The following CSMD1 variants were observed in gnomAD, a reference collection of about 807,000 sequenced individuals.
CSMD1 encodes the protein CUB and sushi domain-containing protein 1.
A neutral mutation model predicts 417.5 loss-of-function variants in CSMD1; 213 were observed. The ratio of observed to expected loss-of-function variants is 0.51; its 90% CI spans 0.46 to 0.57. The LOEUF (loss-of-function observed/expected upper bound fraction) is 0.57. CSMD1 is among the 20% of genes least tolerant of loss of function. The pLI is 0.00. For synonymous variants in CSMD1, 2,862 were observed against 1,736.8 expected (o/e 1.65, Z -16.11); for missense variants, 6,923 against 4,529.7 (o/e 1.53, Z -15.17).
At chr8:4,695,534 T>C (rs949257502) in intron 1 of CSMD1, among the ~76,000 whole-genome samples, 1 of 152,130 alleles carries the variant, frequency 6.6e-6, no homozygotes, top group Non-Finnish European at 1.5e-5. Context: ...TTTACAGCAG[T>C]TTTAAGTTCA....
At chr8:3,643,490 C>G (rs1237081268) in intron 7 of CSMD1, among the ~76,000 whole-genome samples, 1 of 151,862 alleles carries the variant, frequency 6.6e-6, no homozygotes, top group Non-Finnish European at 1.5e-5. Flanking sequence ...ATCACAAGGT[C>G]AGGAGATCGA....
At chr8:4,505,145 C>G (rs1166480772) in intron 2 of CSMD1, among the ~76,000 whole-genome samples, 2 of 152,172 alleles carry the variant, frequency 1.3e-5, no homozygotes, top group Non-Finnish European at 2.9e-5. Flanking sequence ...AAACCAAACC[C>G]CACAATGATA....
intron 2 of CSMD1, among the ~76,000 whole-genome samples, chr8:4,488,932 G>C (rs1326682864): frequency 6.6e-6 from 1 of 152,100 alleles, no homozygotes; most frequent in East Asian, 1.9e-4. Flanking sequence ...TTATTTTTGA[G>C]ACTGAGTCTT....
At chr8:4,826,721 T>G (rs548049786) in intron 1 of CSMD1, among the ~76,000 whole-genome samples, 2 of 152,230 alleles carry the variant, frequency 1.3e-5, no homozygotes, top group South Asian at 2.1e-4. Context: ...TTCGTGACCC[T>G]CATGCCCCAT....
intron 10 of CSMD1, among the ~76,000 whole-genome samples, chr8:3,554,731 T>A (rs577731153): frequency 6.6e-6 from 1 of 152,162 alleles, no homozygotes; most frequent in Non-Finnish European, 1.5e-5. Flanking sequence ...GCTTCAGAAC[T>A]TCCACAGAGG....
chr8:4,556,283 G>C (rs1353621020), intron 2 of CSMD1, among the ~76,000 whole-genome samples: 2 of 152,078 alleles, frequency 1.3e-5, no homozygotes, highest in East Asian at 1.9e-4. Context: ...AATTAATCTT[G>C]ACCATTTTCA....
intron 12 of CSMD1, among the ~76,000 whole-genome samples, chr8:3,431,581 A>T (rs995809989): frequency 3.3e-5 from 5 of 152,038 alleles, no homozygotes; most frequent in Non-Finnish European, 7.3e-5. Flanking sequence ...ACTTTACTTG[A>T]ATTTTCTTCT....
chr8:3,476,113 T>A (rs1338640803), intron 11 of CSMD1, among the ~76,000 whole-genome samples: 1 of 152,236 alleles, frequency 6.6e-6, no homozygotes, highest in East Asian at 1.9e-4. Context: ...GAGGCTGAGG[T>A]GGGAAGACTA....
chr8:4,416,700 G>C (rs187615286), intron 3 of CSMD1, among the ~76,000 whole-genome samples: 1 of 152,124 alleles, frequency 6.6e-6, no homozygotes, highest in East Asian at 1.9e-4. Flanking sequence ...GTATCACCCA[G>C]TCCGTATATT....
intron 3 of CSMD1, among the ~76,000 whole-genome samples, chr8:4,386,558 G>T (rs754503422): frequency 6.6e-6 from 1 of 152,186 alleles, no homozygotes; most frequent in Non-Finnish European, 1.5e-5. Context: ...CCTAAAATAA[G>T]TAAGACCTAT....
At chr8:3,817,443 G>T (rs899357045) in intron 5 of CSMD1, among the ~76,000 whole-genome samples, 1 of 151,702 alleles carries the variant, frequency 6.6e-6, no homozygotes, top group Non-Finnish European at 1.5e-5. Flanking sequence ...AACATTCCCA[G>T]CTCATTTTTG....
intron 25 of CSMD1, among the ~76,000 whole-genome samples, chr8:3,306,970 A>T (rs1804907497): frequency 6.6e-6 from 1 of 152,004 alleles, no homozygotes; most frequent in Non-Finnish European, 1.5e-5. Context: ...ATTTGCAATG[A>T]TTTTCTTTTA....
At chr8:4,005,249 T>G (rs930875613) in intron 4 of CSMD1, among the ~76,000 whole-genome samples, 1 of 151,384 alleles carries the variant, frequency 6.6e-6, no homozygotes, top group Non-Finnish European at 1.5e-5. Flanking sequence ...CTTACTTATG[T>G]AACCAAACAC....
At chr8:3,332,047 C>A (rs547914953) in intron 23 of CSMD1, among the ~76,000 whole-genome samples, 1 of 152,192 alleles carries the variant, frequency 6.6e-6, no homozygotes, top group South Asian at 2.1e-4. Context: ...GATAATAGAT[C>A]ATAGATTATC....
chr8:3,646,650 G>T (rs534692156), intron 7 of CSMD1, among the ~76,000 whole-genome samples: 1 of 152,148 alleles, frequency 6.6e-6, no homozygotes, highest in Non-Finnish European at 1.5e-5. Context: ...TGCCAAAGCC[G>T]TGCTCAGAGG....
At chr8:4,951,999 G>C (rs554387675) in intron 1 of CSMD1, among the ~76,000 whole-genome samples, 126 of 150,928 alleles carry the variant, frequency 8.3e-4, no homozygotes, top group African/African-American at 3.0e-3. Context: ...TATCTTAAAA[G>C]GTTTTAATTA....
At chr8:4,372,941 G>C (rs1327446815) in intron 3 of CSMD1, among the ~76,000 whole-genome samples, 2 of 152,198 alleles carry the variant, frequency 1.3e-5, no homozygotes, top group African/African-American at 4.8e-5. Flanking sequence ...ATAGTGATTT[G>C]CTTCCGAAGA....
At position 4,235,176 on chromosome 8, in the gene CSMD1, G is replaced by A. The variant is rs149099497; in HGVS notation, c.415+184777C>T. On this transcript the variant is annotated intron_variant, in intron 3 of 69. Coordinates refer to ENST00000635120, the MANE Select transcript of CSMD1 (RefSeq NM_033225.6). ...CACAGTGTGTGTGATTCATCTTTCA[G>A]AGGCATCTCTCTCCTGTCCAAACTC... is the stretch of plus-strand genomic sequence containing the variant. 3.6e-3 allele frequency among the ~76,000 whole-genome samples: 543 copies of A among 152,246 alleles called. 4 individuals carry two copies. The highest frequency in any genetic ancestry group is 0.012 in the African/African-American group (518 of 41,528).
intron 4 of CSMD1, among the ~76,000 whole-genome samples, chr8:4,008,786 G>A (rs1278330496): frequency 6.6e-6 from 1 of 151,094 alleles, no homozygotes; most frequent in Admixed American, 6.6e-5. Context: ...AATTTTTTGT[G>A]TTTTTGGTAG....
Sources: gnomAD v4.1 joint callset for allele counts (sites outside exome capture counted in the v4.1 genomes callset) on GRCh38, gnomAD v4.1.1 for gene constraint, MANE v1.5 for transcripts, NCBI Gene and HGNC (gene_info 2026-07-23, HGNC 2026-07-21) for gene names.